The following ADSS1 variants were observed in gnomAD, a reference collection of about 807,000 sequenced individuals.
The protein encoded by ADSS1 is adenylosuccinate synthase 1, also known as adenylosuccinate synthetase isozyme 1.
Under a neutral mutation model 59.1 loss-of-function variants are expected in ADSS1, and 57 were observed. That is an observed-to-expected ratio of 0.97 (90% CI 0.78 to 1.20). The LOEUF is 1.20. Ranked by LOEUF, ADSS1 falls within the 50% of genes most tolerant of loss-of-function variation. ADSS1 has a pLI of 0.00. For synonymous variants in ADSS1, 247 were observed against 249.4 expected, an observed-to-expected ratio of 0.99 and a Z score of 0.09; for missense variants, 603 against 610.3, an observed-to-expected ratio of 0.99 and a Z score of 0.13.
At chr14:104,725,304 C>G (rs1244283197) in intron 1 of ADSS1, among the ~76,000 whole-genome samples, 1 of 152,226 alleles carries the variant, frequency 6.6e-6, no homozygotes, top group South Asian at 2.1e-4. Flanking sequence ...AAGTCTGCTG[C>G]CCATGGGCTG....
chr14:104,729,857 T>C (rs1372797856), intron 1 of ADSS1: 3 of 1,342,418 alleles, frequency 2.2e-6, no homozygotes, highest in Non-Finnish European at 2.9e-6. Flanking sequence ...GGGAGGAGCG[T>C]GGCGTCGGCG....
intron 11 of ADSS1, 58 bp from the exon 12 acceptor site, chr14:104,746,178 G>C (rs878911401): frequency 4.9e-5 from 75 of 1,542,978 alleles, no homozygotes; most frequent in Non-Finnish European, 6.0e-5. Context: ...CCAAATATCC[G>C]CTTCCCTGGT....
chr14:104,740,604 A>C lies in ADSS1; in HGVS notation c.480A>C (p.Ile160=), dbSNP rs1891308072. Residue 160 remains isoleucine (I), a synonymous_variant, in exon 6 of 13, where the codon ATA becomes ATC. Coordinates refer to ENST00000330877, the MANE Select transcript of ADSS1 (RefSeq NM_152328.5). This position sits in a 1 kb window ranked among gnomAD's most constrained non-coding sequence, Gnocchi z 4.8. Reference sequence around the variant, plus strand: ...GTACCCACTCCCCATCTTTCAGTATAGGCACCACCAAGAAGGGAATCGGAC... The same window carrying C: ...GTACCCACTCCCCATCTTTCAGTATCGGCACCACCAAGAAGGGAATCGGAC... ...VQRQAQEGKN[I]GTTKKGIGPT... The C allele has an allele frequency of 1.2e-6, 2 of 1,613,328 alleles. No homozygotes were observed. The highest frequency in any genetic ancestry group is 8.5e-7 in the Non-Finnish European group (1 of 1,179,862).
At chr14:104,736,351 G>A (rs1000226477) in intron 2 of ADSS1, among the ~76,000 whole-genome samples, 4 of 152,222 alleles carry the variant, frequency 2.6e-5, no homozygotes, top group South Asian at 2.1e-4. Context: ...CGCCAGCCTC[G>A]TCCTGCCCAG....
intron 8 of ADSS1, 38 bp from the exon 9 acceptor site, chr14:104,741,810 G>C (rs779066229): frequency 8.1e-6 from 13 of 1,609,140 alleles, no homozygotes; most frequent in East Asian, 2.2e-5. Flanking sequence ...ATCTACAGGG[G>C]GTGACAGGTA....
chr14:104,732,123 G>A (rs982119395), intron 1 of ADSS1, among the ~76,000 whole-genome samples: 2 of 152,176 alleles, frequency 1.3e-5, no homozygotes, highest in Admixed American at 1.3e-4. Flanking sequence ...CCTGATGTTT[G>A]GTCCCTCCTC....
chr14:104,735,658 A>C (rs1891093348), intron 2 of ADSS1, among the ~76,000 whole-genome samples: 2 of 152,154 alleles, frequency 1.3e-5, no homozygotes, highest in Non-Finnish European at 1.5e-5. Flanking sequence ...TCCGTGCTGC[A>C]GAGGGACCTC....
chr14:104,739,358 T>C lies in ADSS1; in HGVS notation c.389T>C (p.Ile130Thr), dbSNP rs146314260. 20 of 1,608,178 alleles carry C rather than the reference T, an allele frequency of 1.2e-5. No homozygotes were observed. The African/African-American group carries it at 1.5e-4, about 12-fold the overall frequency. ...AAGGACTGGGAGAAGAGGCTCATCA[T>C]CTCTGACAGAGCCCACCTTGGTACG... ...GLKDWEKRLI[I>T]SDRAHLVFDF... The change falls in exon 4 of 13, where the codon ATC (isoleucine) becomes ACC (threonine). Residue 130 changes from isoleucine (I) to threonine (T), a missense_variant. Ile to Thr is a moderately conservative substitution (Grantham distance 89). Transcript: ENST00000330877.
chr14:104,733,529 A>G (rs1891008522), intron 1 of ADSS1, among the ~76,000 whole-genome samples: 9 of 152,058 alleles, frequency 5.9e-5, no homozygotes, highest in Admixed American at 5.9e-4. Context: ...GGGGGCCGCC[A>G]TCACGGAGGG....
intron 1 of ADSS1, among the ~76,000 whole-genome samples, chr14:104,734,013 T>C (rs11844508): frequency 0.11 from 17,212 of 152,272 alleles, 996 homozygotes; most frequent in Non-Finnish European, 0.12. Context: ...GGGTCTCTTA[T>C]GGTGGCATAA....
chr14:104,735,245 C>G, intron 2 of ADSS1, 123 bp downstream of exon 2: 4 of 891,590 alleles, frequency 4.5e-6, no homozygotes, highest in Non-Finnish European at 6.9e-6. Flanking sequence ...GTAGGCTGGA[C>G]CCCAGCCTCC....
chr14:104,736,883 TATATATATA>T (rs1237137265), intron 2 of ADSS1, among the ~76,000 whole-genome samples: 6 of 44,146 alleles, frequency 1.4e-4, no homozygotes, highest in African/African-American at 7.7e-4. Flanking sequence ...ACCTAGCTGA[TATATATATA>T]TATATATATA....
In ADSS1 at chr14:104,741,979, G is replaced by C. The variant is rs771519165; in HGVS notation, c.925G>C (p.Ala309Pro). 9.9e-6 allele frequency: 16 copies of C among 1,613,128 alleles called. No individual in the cohort carries two copies. The South Asian group carries it at 1.8e-4, about 18-fold the overall frequency. ...CTATACCACACGTGTGGGCATCGGGGCCTTCCCCACCGAGCAGATCAACGT... is the reference window on the plus strand; with the variant it reads ...CTATACCACACGTGTGGGCATCGGGCCCTTCCCCACCGAGCAGATCAACGT... Reference protein sequence around the residue: ...KAYTTRVGIGAFPTEQINEIG... With the variant: ...KAYTTRVGIGPFPTEQINEIG... The change falls in exon 9 of 13, where the codon GCC becomes CCC. Residue 309 changes from alanine (A) to proline (P), a missense_variant. Transcript: ENST00000330877.
chr14:104,746,085 A>T, intron 11 of ADSS1, 151 bp from the exon 12 acceptor site: 1 of 979,836 alleles, frequency 1.0e-6, no homozygotes, highest in Non-Finnish European at 1.5e-6. Context: ...TGAGAAAATC[A>T]AACTGGGCCA....
chr14:104,730,315 C>T, intron 1 of ADSS1: 6 of 1,273,540 alleles, frequency 4.7e-6, no homozygotes, highest in Non-Finnish European at 6.2e-6. Flanking sequence ...CCAAGTGAAA[C>T]CCGGTTTCTA....
intron 1 of ADSS1, among the ~76,000 whole-genome samples, chr14:104,733,426 C>T (rs547350734): frequency 5.3e-5 from 8 of 152,214 alleles, no homozygotes; most frequent in African/African-American, 9.6e-5. Context: ...ATCTGCCCCC[C>T]CTCTGTCCCC....
chr14:104,726,072 G>GCCACCAGGCTGCCCCCGCCAGGCCACCC (rs1566792485), intron 1 of ADSS1, among the ~76,000 whole-genome samples: 1 of 152,302 alleles, frequency 6.6e-6, no homozygotes, highest in East Asian at 1.9e-4. Flanking sequence ...CCGCACTCCG[G>GCCACCAGGCTGCCCCCGCCAGGCCACCC]CCACCAGGCT....
At chr14:104,724,731 T>C (rs911873684) in intron 1 of ADSS1, among the ~76,000 whole-genome samples, 4 of 151,908 alleles carry the variant, frequency 2.6e-5, no homozygotes, top group Non-Finnish European at 5.9e-5. Context: ...TACAAGTCGC[T>C]GAGTTGGGGA....
chr14:104,744,740 A>C, intron 10 of ADSS1, 72 bp from the exon 11 acceptor site: 1 of 1,484,484 alleles, frequency 6.7e-7, no homozygotes, highest in Non-Finnish European at 9.4e-7. Context: ...GCGAGAGGTC[A>C]AAAGCAAGCG....
Sources: gnomAD v4.1 joint callset for allele counts (sites outside exome capture counted in the v4.1 genomes callset) on GRCh38, gnomAD v4.1.1 for gene constraint, Gnocchi (gnomAD v3.1) non-coding constraint, MANE v1.5 for transcripts, NCBI Gene and HGNC (gene_info 2026-07-23, HGNC 2026-07-21) for gene names.